TBC1D22A: variants seen among roughly 807,000 people sequenced by gnomAD.
The protein encoded by TBC1D22A is TBC1 domain family member 22A, also known as putative GTPase activator.
TBC1D22A carries 38 observed loss-of-function variants against 60.2 expected under a neutral mutation model. The ratio of observed to expected loss-of-function variants is 0.63; its 90% confidence interval spans 0.49 to 0.83. TBC1D22A has a LOEUF of 0.83. TBC1D22A is among the 40% of genes least tolerant of loss of function. The pLI is 0.00. For missense variants in TBC1D22A, 628 were observed against 701.0 expected, an observed-to-expected ratio of 0.90 and a Z score of 1.18; for synonymous variants, 302 against 281.7, an observed-to-expected ratio of 1.07 and a Z score of -0.72.
intron 12 of TBC1D22A, among the ~76,000 whole-genome samples, chr22:47,166,037 A>G (rs1178042869): frequency 6.6e-6 from 1 of 152,246 alleles, no homozygotes; most frequent in Non-Finnish European, 1.5e-5. Context: ...TGATTAATTT[A>G]TTCATCTTTG....
intron 10 of TBC1D22A, among the ~76,000 whole-genome samples, chr22:47,030,321 T>A (rs138014816): frequency 6.6e-6 from 1 of 152,354 alleles, no homozygotes; most frequent in Non-Finnish European, 1.5e-5. Context: ...GAGTGTCTGG[T>A]CCTGCATAAA....
At chr22:47,082,958 A>G (rs1414900828) in intron 11 of TBC1D22A, among the ~76,000 whole-genome samples, 1 of 152,244 alleles carries the variant, frequency 6.6e-6, no homozygotes. Flanking sequence ...CAATGCAAAT[A>G]TATGTCAGCA....
At chr22:47,133,844 C>T (rs1034958759) in intron 12 of TBC1D22A, among the ~76,000 whole-genome samples, 4 of 152,242 alleles carry the variant, frequency 2.6e-5, no homozygotes, top group African/African-American at 4.8e-5. Context: ...ATCAACACGG[C>T]CCCGGGCATC....
At chr22:46,919,885 T>C (rs1421384658) in intron 8 of TBC1D22A, among the ~76,000 whole-genome samples, 1 of 152,190 alleles carries the variant, frequency 6.6e-6, no homozygotes, top group Non-Finnish European at 1.5e-5. Flanking sequence ...CCGGTGCTGC[T>C]GTTTTCCCCA....
At chr22:46,781,542 C>T (rs531807031) in intron 1 of TBC1D22A, among the ~76,000 whole-genome samples, 2 of 152,262 alleles carry the variant, frequency 1.3e-5, no homozygotes, top group South Asian at 2.1e-4. Context: ...GTTCCCCTTA[C>T]GAGTGGTGGC....
intron 12 of TBC1D22A, among the ~76,000 whole-genome samples, chr22:47,152,020 C>T (rs1329713026): frequency 6.6e-6 from 1 of 152,190 alleles, no homozygotes; most frequent in Non-Finnish European, 1.5e-5. Context: ...CTGCTGGTGG[C>T]AGCCCGTGTG....
intron 9 of TBC1D22A, among the ~76,000 whole-genome samples, chr22:46,983,766 T>TA (rs770830334): frequency 2.1e-4 from 32 of 149,178 alleles, no homozygotes; most frequent in African/African-American, 2.2e-4. Context: ...GATACTTAAT[T>TA]AAAAAAAAAA....
At position 47,173,534 on chromosome 22, in the gene TBC1D22A, C is replaced by G; in HGVS notation, c.1462C>G (p.His488Asp). ...LLFLQNLPTA[H>D]WDDEDISLLL... The stretch of plus-strand genomic sequence containing the variant: ...CTTCCTCCAGAACCTGCCCACAGCC[C>G]ACTGGGATGATGAGGACATCAGCCT... The change falls in exon 13 of 13, where the codon CAC becomes GAC. Residue 488 changes from histidine to aspartate, a missense_variant. Physicochemically the swap from His to Asp is moderately conservative, Grantham distance 81. Coordinates refer to ENST00000337137, the MANE Select transcript of TBC1D22A (RefSeq NM_014346.5). 1.2e-6 allele frequency: 2 copies of G among 1,614,174 alleles called. No individual in the cohort carries two copies. Among genetic ancestry groups the G allele is most frequent in the Non-Finnish European group, 1.7e-6 (2 of 1,180,030 alleles).
At position 46,892,074 on chromosome 22, in the gene TBC1D22A, G is replaced by A. The variant is rs555360191; in HGVS notation, c.837+680G>A. ...ATTTGCTGTTAGAATAGCTCTTTGA[G>A]GACTTTATAATTCTCACTGTCTTTG... On this transcript the variant is annotated intron_variant, in intron 6 of 12. Transcript: ENST00000337137. Among the ~76,000 whole-genome samples the A allele has an allele frequency of 2.2e-4, 34 of 152,244 alleles. No homozygotes were observed. The East Asian group carries it at 6.6e-3, about 29-fold the overall frequency.
intron 11 of TBC1D22A, among the ~76,000 whole-genome samples, chr22:47,076,757 A>ACAACAG (rs201683312): frequency 6.6e-6 from 1 of 152,112 alleles, no homozygotes; most frequent in African/African-American, 2.4e-5. Flanking sequence ...AAAACAAACA[A>ACAACAG]CAACAGCAAC....
chr22:47,159,377 A>G (rs2067869775), intron 12 of TBC1D22A, among the ~76,000 whole-genome samples: 1 of 132,980 alleles, frequency 7.5e-6, no homozygotes, highest in Admixed American at 7.2e-5. Context: ...TCATGTATAC[A>G]CACAGACACA....
chr22:46,950,885 T>G (rs2072861853), intron 8 of TBC1D22A, among the ~76,000 whole-genome samples: 1 of 152,232 alleles, frequency 6.6e-6, no homozygotes, highest in African/African-American at 2.4e-5. Flanking sequence ...AGTGTAGTTT[T>G]AATTCTGTTC....
chr22:46,770,368 G>A (rs1016060549), intron 1 of TBC1D22A, among the ~76,000 whole-genome samples: 1 of 152,262 alleles, frequency 6.6e-6, no homozygotes, highest in South Asian at 2.1e-4. Flanking sequence ...GGCACAGCTG[G>A]CTGACGCCTG....
chr22:46,863,424 C>T (rs567834541), intron 4 of TBC1D22A, among the ~76,000 whole-genome samples: 1 of 152,230 alleles, frequency 6.6e-6, no homozygotes, highest in South Asian at 2.1e-4. Flanking sequence ...TACTAATTCC[C>T]AATTGACCAA....
At chr22:46,941,607 C>T (rs888225662) in intron 8 of TBC1D22A, among the ~76,000 whole-genome samples, 9 of 140,742 alleles carry the variant, frequency 6.4e-5, no homozygotes, top group African/African-American at 2.6e-5. Context: ...AATATATATA[C>T]GCGGAATATA....
chr22:46,916,768 A>G (rs2070395018), intron 8 of TBC1D22A, among the ~76,000 whole-genome samples: 1 of 152,232 alleles, frequency 6.6e-6, no homozygotes, highest in Admixed American at 6.5e-5. Flanking sequence ...CCGTGTGCAA[A>G]GCATGTGAAG....
At chr22:47,021,514 G>A (rs754060822) in intron 10 of TBC1D22A, among the ~76,000 whole-genome samples, 6 of 150,208 alleles carry the variant, frequency 4.0e-5, no homozygotes, top group Admixed American at 2.0e-4. Context: ...ACCTGAGCAG[G>A]GAACCTAGCA....
intron 11 of TBC1D22A, among the ~76,000 whole-genome samples, chr22:47,108,974 C>T (rs1043274453): frequency 6.6e-6 from 1 of 152,156 alleles, no homozygotes; most frequent in Non-Finnish European, 1.5e-5. Flanking sequence ...GAATTACAGG[C>T]GTGAGCCACT....
intron 8 of TBC1D22A, chr22:46,915,287 G>A: frequency 2.4e-6 from 1 of 411,776 alleles, no homozygotes; most frequent in African/African-American, 2.0e-5. Flanking sequence ...GTGCCCTCCA[G>A]AGAGGCTATT....
Sources: gnomAD v4.1 joint callset for allele counts (sites outside exome capture counted in the v4.1 genomes callset) on GRCh38, gnomAD v4.1.1 for gene constraint, MANE v1.5 for transcripts, NCBI Gene and HGNC (gene_info 2026-07-23, HGNC 2026-07-21) for gene names.